Variants in CCDC148 observed in about 807,000 individuals in gnomAD.
CCDC148 encodes the protein coiled-coil domain-containing protein 148.
CCDC148 carries 89 observed loss-of-function variants against 85.7 expected under a neutral mutation model. The observed-to-expected ratio is 1.04, with a 90% CI of 0.87 to 1.24. The LOEUF (loss-of-function observed/expected upper bound fraction) is 1.24. CCDC148 is among the 50% of genes most tolerant of loss of function. The pLI, the probability that CCDC148 is intolerant of heterozygous loss-of-function variation, is 0.00. For missense variants in CCDC148, 692 were observed against 671.7 expected (o/e 1.03, Z -0.33); for synonymous variants, 230 against 213.9 (o/e 1.08, Z -0.66).
chr2:158,358,959 T>G (rs1448954437), intron 1 of CCDC148, among the ~76,000 whole-genome samples: 2 of 152,146 alleles, frequency 1.3e-5, no homozygotes, highest in African/African-American at 4.8e-5. Flanking sequence ...ATAAATCAAA[T>G]TATATAAACA....
At chr2:158,238,817 C>T (rs1688222854) in intron 10 of CCDC148, among the ~76,000 whole-genome samples, 2 of 152,070 alleles carry the variant, frequency 1.3e-5, no homozygotes, top group African/African-American at 4.8e-5. Flanking sequence ...ATTAAAGCGA[C>T]CCGAAAGTAA....
At chr2:158,278,928 A>T (rs574063257) in intron 9 of CCDC148, among the ~76,000 whole-genome samples, 5 of 152,320 alleles carry the variant, frequency 3.3e-5, no homozygotes, top group Non-Finnish European at 7.3e-5. Flanking sequence ...CTCTGAGACA[A>T]AACTTCCAGA....
At chr2:158,334,329 G>C (rs11684127) in intron 7 of CCDC148, among the ~76,000 whole-genome samples, 1 of 151,872 alleles carries the variant, frequency 6.6e-6, no homozygotes, top group Non-Finnish European at 1.5e-5. Flanking sequence ...TTTGTGCTGC[G>C]GTCTCACTTA....
At chr2:158,277,607 T>C (rs1257300868) in intron 9 of CCDC148, among the ~76,000 whole-genome samples, 1 of 152,166 alleles carries the variant, frequency 6.6e-6, no homozygotes, top group Admixed American at 6.5e-5. Flanking sequence ...TTGTTTTTTT[T>C]TGTTTTTGAG....
At chr2:158,419,394 T>C (rs1324347291) in intron 1 of CCDC148, among the ~76,000 whole-genome samples, 2 of 152,198 alleles carry the variant, frequency 1.3e-5, no homozygotes, top group East Asian at 1.9e-4. Context: ...AACAGCCAAA[T>C]GTGAAGTCAG....
At chr2:158,412,408 C>T (rs1350451049) in intron 1 of CCDC148, among the ~76,000 whole-genome samples, 6 of 152,100 alleles carry the variant, frequency 3.9e-5, no homozygotes, top group Admixed American at 3.9e-4. Flanking sequence ...TGACATCACT[C>T]CCATGAAGGT....
intron 1 of CCDC148, among the ~76,000 whole-genome samples, chr2:158,439,069 G>A (rs977274433): frequency 2.6e-5 from 4 of 152,130 alleles, no homozygotes; most frequent in Non-Finnish European, 4.4e-5. Context: ...TCAGTGTGGC[G>A]ATTCCTCAGG....
At position 158,178,831 on chromosome 2, in the gene CCDC148, C is replaced by T. The variant is rs753549151; in HGVS notation, c.1488+48G>A. 11 of 1,168,252 alleles carry T rather than the reference C, an allele frequency of 9.4e-6. 1 individual carries two copies. In the South Asian group the frequency reaches 1.3e-4, roughly 14 times the overall value. 72.4% of individuals were successfully genotyped at this position (1,168,252 alleles called of 1,614,324 possible). The stretch of plus-strand genomic sequence containing the variant: ...GAATGCTATTAAGAGCACTTAGAAA[C>T]ATTTTTTTTAAAAAAACCACCCATG... On this transcript the variant is annotated intron_variant, in intron 12 of 13. Coordinates refer to ENST00000283233, the MANE Select transcript of CCDC148 (RefSeq NM_138803.4).
chr2:158,413,036 C>T (rs1348494253), intron 1 of CCDC148, among the ~76,000 whole-genome samples: 1 of 151,782 alleles, frequency 6.6e-6, no homozygotes, highest in Non-Finnish European at 1.5e-5. Flanking sequence ...TCACATGTAG[C>T]CACATACAAA....
At chr2:158,348,600 ATCTC>A in intron 2 of CCDC148, among the ~76,000 whole-genome samples, 1 of 151,970 alleles carries the variant, frequency 6.6e-6, no homozygotes, top group Non-Finnish European at 1.5e-5. Context: ...CTTTTTAAAA[ATCTC>A]TATTATTTCA....
At position 158,372,600 on chromosome 2, in the gene CCDC148, C is replaced by T. The variant is rs538026634; in HGVS notation, c.26-14030G>A. On this transcript the variant is annotated intron_variant, in intron 1 of 13. Coordinates refer to ENST00000283233, the MANE Select transcript of CCDC148 (RefSeq NM_138803.4). ...AGGTTCACCTGCTTCCCCTTGGTCCCTTTTACGCCTAACCTCTCTGACAGC... is the reference window on the plus strand; with the variant it reads ...AGGTTCACCTGCTTCCCCTTGGTCCTTTTTACGCCTAACCTCTCTGACAGC... Among the ~76,000 whole-genome samples, 3 of 152,064 alleles carry T rather than the reference C, an allele frequency of 2.0e-5. No individual in the cohort carries two copies. The East Asian group carries it at 5.8e-4, about 29-fold the overall frequency.
chr2:158,224,313 T>C (rs1333821283), intron 10 of CCDC148, among the ~76,000 whole-genome samples: 2 of 152,180 alleles, frequency 1.3e-5, no homozygotes, highest in Non-Finnish European at 2.9e-5. Flanking sequence ...TATGGGACTA[T>C]GTGAAAAGAC....
At chr2:158,312,636 G>A (rs925227705) in intron 8 of CCDC148, among the ~76,000 whole-genome samples, 13 of 149,662 alleles carry the variant, frequency 8.7e-5, no homozygotes, top group Non-Finnish European at 1.6e-4. Flanking sequence ...TCTTTATCAT[G>A]ATAATAATAG....
intron 9 of CCDC148, among the ~76,000 whole-genome samples, chr2:158,267,597 ATAAG>A (rs1410414665): frequency 2.6e-5 from 4 of 152,230 alleles, no homozygotes; most frequent in Non-Finnish European, 4.4e-5. Context: ...TAAACAGGAG[ATAAG>A]TAACTATGTC....
At chr2:158,227,791 T>A (rs963430124) in intron 10 of CCDC148, among the ~76,000 whole-genome samples, 1 of 152,160 alleles carries the variant, frequency 6.6e-6, no homozygotes, top group Non-Finnish European at 1.5e-5. Context: ...CCTTATGCCT[T>A]ATACAAAAAT....
At chr2:158,190,995 C>G (rs1262457503) in intron 11 of CCDC148, among the ~76,000 whole-genome samples, 1 of 151,918 alleles carries the variant, frequency 6.6e-6, no homozygotes, top group African/African-American at 2.4e-5. Flanking sequence ...ACCGTGTTAT[C>G]AAGTCATAAT....
chr2:158,415,885 G>A (rs1022093122), intron 1 of CCDC148, among the ~76,000 whole-genome samples: 2 of 152,192 alleles, frequency 1.3e-5, no homozygotes, highest in Non-Finnish European at 2.9e-5. Flanking sequence ...TGGGGACTCT[G>A]TGTGGGGGCT....
At chr2:158,204,315 G>C (rs1358876849) in intron 11 of CCDC148, among the ~76,000 whole-genome samples, 1 of 152,158 alleles carries the variant, frequency 6.6e-6, no homozygotes, top group Non-Finnish European at 1.5e-5. Flanking sequence ...CTCCTATTGA[G>C]AGTTTGGATC....
intron 10 of CCDC148, among the ~76,000 whole-genome samples, chr2:158,225,662 T>C (rs1687472868): frequency 2.0e-5 from 3 of 152,322 alleles, no homozygotes; most frequent in African/African-American, 7.2e-5. Context: ...CACTCAAAAC[T>C]GCTCAACTAC....
Sources: allele counts gnomAD v4.1 joint callset (sites outside exome capture counted in the v4.1 genomes callset), GRCh38; gene constraint gnomAD v4.1.1; transcripts MANE v1.5; gene names NCBI Gene and HGNC (gene_info 2026-07-23, HGNC 2026-07-21).